Variants in SLC22A8 observed in about 807,000 individuals in gnomAD.
The protein encoded by SLC22A8 is organic anion transporter 3.
A neutral mutation model predicts 48.4 loss-of-function variants in SLC22A8; 40 were observed. That is an observed-to-expected ratio of 0.83 (90% CI 0.64 to 1.08). The LOEUF is 1.08. SLC22A8 is among the 50% of genes least tolerant of loss of function. The probability of loss-of-function intolerance (pLI) is 0.00; values close to 1 mark genes in which losing one functional copy is unlikely to be tolerated. For synonymous variants in SLC22A8, 268 were observed against 286.3 expected, an observed-to-expected ratio of 0.94 and a Z score of 0.65; for missense variants, 606 against 699.0, an observed-to-expected ratio of 0.87 and a Z score of 1.50.
chr11:62,998,227 C>T (rs1344854063), intron 5 of SLC22A8, among the ~76,000 whole-genome samples: 1 of 151,894 alleles, frequency 6.6e-6, no homozygotes, highest in Non-Finnish European at 1.5e-5. Flanking sequence ...GCTAGGATTA[C>T]AGGTGTGAGC....
Position 62,998,969 on chromosome 11 carries a change from A to G in SLC22A8, c.713T>C (p.Leu238Pro). ...LAYAIPQWRW[L>P]QLTVSIPFFV... ...GAAGGGAATGGACACAGTTAACTGC[A>G]GCCAACGCCACTGGGGGATGGCGTA... The change falls in exon 5 of 11, where the codon CTG (leucine) becomes CCG (proline). Residue 238 changes from leucine (L) to proline (P), a missense_variant. By Grantham distance (98) the Leu-to-Pro change is moderately conservative (BLOSUM62 -3). Coordinates refer to ENST00000336232, the MANE Select transcript of SLC22A8 (RefSeq NM_004254.4). 1.2e-6 allele frequency: 2 copies of G among 1,613,920 alleles called. No homozygotes were observed. Among genetic ancestry groups the G allele is most frequent in the Non-Finnish European group, 1.7e-6 (2 of 1,179,766 alleles).
At position 62,993,310 on chromosome 11, in the gene SLC22A8, T is replaced by G. The variant is rs750234245; in HGVS notation, c.1556A>C (p.Gln519Pro). 7 of 1,613,868 alleles carry G rather than the reference T, an allele frequency of 4.3e-6. No homozygotes were observed. The highest frequency in any genetic ancestry group is 5.1e-6 in the Non-Finnish European group (6 of 1,179,974). Residue 519 changes from glutamine (Q) to proline (P), a missense_variant, in exon 11 of 11, where the codon CAG becomes CCG. Physicochemically the swap from Gln to Pro is moderately conservative, Grantham distance 76. Transcript: ENST00000336232. ...NWSLRAKKPK[Q>P]EPEVEKASQR... ...GGAGGCCTTTTCCACCTCTGGCTCC[T>G]GCTTTGGCTTCTTTGCCCGCAGGGA...
In SLC22A8 at chr11:62,998,917, A is replaced by T. The variant is rs771580765; in HGVS notation, c.761+4T>A. ...AAACAGATGAAGAGGAGAGGGCCAC[A>T]TACCAGGATGATAGGAAGAAGACGA... On this transcript the variant is annotated splice_donor_region_variant and intron_variant, in intron 5 of 10. Transcript: ENST00000336232. 1.2e-6 allele frequency: 2 copies of T among 1,601,808 alleles called. No individual in the cohort carries two copies. The highest frequency in any genetic ancestry group is 1.1e-5 in the South Asian group (1 of 90,334).
In SLC22A8 at chr11:62,999,098, GGAGTCCAAGCACCA is replaced by G; in HGVS notation, c.593-23_593-10del. On this transcript the variant is annotated splice_polypyrimidine_tract_variant and intron_variant, in intron 4 of 10. Coordinates refer to ENST00000336232, the MANE Select transcript of SLC22A8 (RefSeq NM_004254.4). The stretch of plus-strand genomic sequence containing the variant: ...AGGCACCCATTCCACATCTGTGGGA[GGAGTCCAAGCACCA>G]GATTAGTGTTCTGCTAGGTCCCAGG... 1 of 1,609,156 alleles carries G rather than the reference GGAGTCCAAGCACCA, an allele frequency of 6.2e-7. No homozygotes were observed. The highest frequency in any genetic ancestry group is 2.2e-5 in the East Asian group (1 of 44,754).
intron 2 of SLC22A8, chr11:63,001,032 T>G: frequency 3.7e-6 from 2 of 537,950 alleles, no homozygotes; most frequent in South Asian, 4.0e-5. Context: ...CCCTCAGGCA[T>G]GTGTGGCCTG....
intron 5 of SLC22A8, among the ~76,000 whole-genome samples, chr11:62,998,623 C>T (rs775720281): frequency 1.7e-4 from 26 of 152,202 alleles, no homozygotes; most frequent in Non-Finnish European, 3.4e-4. Context: ...CTACCTCCCT[C>T]CATATGAAGT....
intron 2 of SLC22A8, among the ~76,000 whole-genome samples, chr11:63,001,676 C>T (rs1006579421): frequency 6.6e-6 from 1 of 152,194 alleles, no homozygotes; most frequent in Non-Finnish European, 1.5e-5. Flanking sequence ...TCTCTCTCCA[C>T]TTTCCCCAGG....
At chr11:63,000,684 G>T in intron 3 of SLC22A8, 36 bp downstream of exon 3, 1 of 1,455,022 alleles carries the variant, frequency 6.9e-7, no homozygotes, top group Non-Finnish European at 9.7e-7. Context: ...TGTCCCCATG[G>T]GTCATGCTTC....
rs139219821 is a variant in SLC22A8 at position 62,997,264 on chromosome 11, G to A, written c.762-1112C>T. ...TTTTGAAATGGAGCCTCGCACTATCGCCTGGGCTGGAGTGCAATGGCATGA... is the reference window on the plus strand; with the variant it reads ...TTTTGAAATGGAGCCTCGCACTATCACCTGGGCTGGAGTGCAATGGCATGA... On this transcript the variant is annotated intron_variant, in intron 5 of 10. Transcript: ENST00000336232. 1.4e-4 allele frequency among the ~76,000 whole-genome samples: 21 copies of A among 151,918 alleles called. No homozygotes were observed. The East Asian group carries it at 3.3e-3, about 24-fold the overall frequency.
Position 62,993,587 on chromosome 11 carries a change from C to T in SLC22A8, c.1366G>A (p.Gly456Arg), listed in dbSNP as rs149538913. 7 of 1,612,770 alleles carry T rather than the reference C, an allele frequency of 4.3e-6. No homozygotes were observed. The highest frequency in any genetic ancestry group is 4.0e-5 in the African/African-American group (3 of 74,904). Reference sequence around the variant, plus strand: ...TTCACCAGCGGGGACACCATGCTTCCCACGCGGGTCCACAGGTTACTTACG... The same window carrying T: ...TTCACCAGCGGGGACACCATGCTTCTCACGCGGGTCCACAGGTTACTTACG... ...MGVSNLWTRV[G>R]SMVSPLVKIT... The change falls in exon 10 of 11, where the codon GGA (glycine) becomes AGA (arginine). Residue 456 changes from glycine (G) to arginine (R), a missense_variant. Physicochemically the swap from Gly to Arg is moderately radical, Grantham distance 125. Transcript: ENST00000336232.
At chr11:62,994,970 C>T in intron 7 of SLC22A8, 1 of 601,092 alleles carries the variant, frequency 1.7e-6, no homozygotes, top group Non-Finnish European at 3.0e-6. Flanking sequence ...CTGACGTGGG[C>T]ATGGTCCAGG....
At chr11:62,994,506 C>T (rs1159835586) in intron 8 of SLC22A8, 36 bp downstream of exon 8, 3 of 1,532,902 alleles carry the variant, frequency 2.0e-6, no homozygotes, top group South Asian at 1.2e-5. Context: ...CTGGCAGCCT[C>T]TTCCAGAGGG....
intron 2 of SLC22A8, among the ~76,000 whole-genome samples, chr11:63,009,811 C>T (rs1203338891): frequency 1.3e-5 from 2 of 152,126 alleles, no homozygotes; most frequent in East Asian, 1.9e-4. Flanking sequence ...TTGCCCCCTC[C>T]AAGAGGGACC....
At position 63,010,767 on chromosome 11, in the gene SLC22A8, ATC is replaced by A. The variant is rs376876550; in HGVS notation, c.333+3857_333+3858del. On this transcript the variant is annotated intron_variant, in intron 2 of 10. Coordinates refer to ENST00000336232, the MANE Select transcript of SLC22A8 (RefSeq NM_004254.4). ...TCCTGCTGGGATGGCGGTTCACACT[ATC>A]TCAGCTGCTGAAATGGTGACTGGGA... 2.6e-3 allele frequency among the ~76,000 whole-genome samples: 402 copies of A among 152,256 alleles called. 5 individuals carry two copies. Among genetic ancestry groups the A allele is most frequent in the African/African-American group, 9.4e-3 (389 of 41,548 alleles).
At chr11:62,994,002 C>A in intron 8 of SLC22A8, 124 bp from the exon 9 acceptor site, 1 of 681,572 alleles carries the variant, frequency 1.5e-6, no homozygotes, top group Non-Finnish European at 2.7e-6. Flanking sequence ...AAACTTAAAG[C>A]TGAGTAATGC....
At position 63,014,769 on chromosome 11, in the gene SLC22A8, TG is replaced by T. The variant is rs2086655795; in HGVS notation, c.189del (p.Met64TrpfsTer46). The T allele has an allele frequency of 2.5e-6, 4 of 1,613,798 alleles. No individual in the cohort carries two copies. The highest frequency in any genetic ancestry group is 3.4e-6 in the Non-Finnish European group (4 of 1,179,804). On this transcript the variant is annotated frameshift_variant, in exon 2 of 11. Transcript: ENST00000336232. LOFTEE classifies it high-confidence loss of function. ...CTCTCAGGCTTCCCATTTGGGCCCA[TG>T]GGGAGCACCCAAGGCCCTGTGGAGG... ...HNASTGPWVL[P>X]MGPNGKPERC...
chr11:62,999,414 GAA>G, intron 4 of SLC22A8: 2 of 475,148 alleles, frequency 4.2e-6, no homozygotes, highest in Non-Finnish European at 7.5e-6. Flanking sequence ...TGTAAAATGG[GAA>G]TAATAGTGTC....
chr11:63,015,332 G>A (rs1006827428), intron 1 of SLC22A8, among the ~76,000 whole-genome samples: 6 of 152,188 alleles, frequency 3.9e-5, no homozygotes, highest in African/African-American at 1.4e-4. Context: ...GTGCACCTGC[G>A]GACACGAGCA....
rs2086469536 is a variant in SLC22A8, at chr11:62,999,809, G to A, written c.471C>T (p.Tyr157=). Residue 157 remains tyrosine (Y), a synonymous_variant, in exon 4 of 11, where the codon TAC becomes TAT. Coordinates refer to ENST00000336232, the MANE Select transcript of SLC22A8 (RefSeq NM_004254.4). ...FGRRPILTCS[Y]LLLAASGSGA... is the part of the protein sequence containing the mutation. ...CGGAGCCGCTGGCTGCCAGCAGCAG[G>A]TAGCTGCAGGTCAGGATGGGCCTGC... 1 of 1,600,634 alleles carries A rather than the reference G, an allele frequency of 6.2e-7. No homozygotes were observed. Among genetic ancestry groups the A allele is most frequent in the Non-Finnish European group, 8.5e-7 (1 of 1,173,138 alleles).
Sources: gnomAD v4.1 joint callset for allele counts (sites outside exome capture counted in the v4.1 genomes callset) on GRCh38, gnomAD v4.1.1 for gene constraint, MANE v1.5 for transcripts, NCBI Gene and HGNC (gene_info 2026-07-23, HGNC 2026-07-21) for gene names.